The following FSCN2 variants were observed in gnomAD, a reference collection of about 807,000 sequenced individuals.
The protein encoded by FSCN2 is fascin-2.
A neutral mutation model predicts 37.8 loss-of-function variants in FSCN2; 46 were observed. The observed-to-expected ratio is 1.22, with a 90% CI of 0.96 to 1.56. The LOEUF (loss-of-function observed/expected upper bound fraction) is 1.56, where lower values mean the gene tolerates loss of function less well. Among genes scored for constraint, FSCN2 ranks in the 40% most tolerant of loss-of-function variants. The pLI, the probability that FSCN2 is intolerant of heterozygous loss-of-function variation, is 0.00. For synonymous variants in FSCN2, 351 were observed against 309.4 expected, an observed-to-expected ratio of 1.13 and a Z score of -1.41; for missense variants, 844 against 730.4, an observed-to-expected ratio of 1.16 and a Z score of -1.79.
At position 81,528,865 on chromosome 17, in the gene FSCN2, G is replaced by C. The variant is rs782151927; in HGVS notation, c.334G>C (p.Gly112Arg). The C allele has an allele frequency of 3.8e-6, 6 of 1,562,134 alleles. No individual in the cohort carries two copies. Among genetic ancestry groups the C allele is most frequent in the Non-Finnish European group, 5.2e-6 (6 of 1,156,846 alleles). ...LRSEPHGRFF[G>R]GTEDQLSCFA... ...GTCCGAGCCGCACGGCCGCTTCTTC[G>C]GAGGCACCGAGGACCAGCTGTCCTG... The change falls in exon 1 of 5, where the codon GGA becomes CGA. Residue 112 changes from glycine to arginine, a missense_variant. Coordinates refer to ENST00000417245, the MANE Select transcript of FSCN2 (RefSeq NM_012418.4).
At position 81,528,855 on chromosome 17, in the gene FSCN2, C is replaced by T; in HGVS notation, c.324C>T (p.Gly108=). Residue 108 remains glycine (G), a synonymous_variant, in exon 1 of 5, where the codon GGC becomes GGT. Coordinates refer to ENST00000417245, the MANE Select transcript of FSCN2 (RefSeq NM_012418.4). ...GRWVLRSEPH[G]RFFGGTEDQL... is the part of the protein sequence containing the mutation. Reference sequence around the variant, plus strand: ...GGGTGCTGCGGTCCGAGCCGCACGGCCGCTTCTTCGGAGGCACCGAGGACC... The same window carrying T: ...GGGTGCTGCGGTCCGAGCCGCACGGTCGCTTCTTCGGAGGCACCGAGGACC... 1 of 1,557,866 alleles carries T rather than the reference C, an allele frequency of 6.4e-7. No homozygotes were observed. The highest frequency in any genetic ancestry group is 8.7e-7 in the Non-Finnish European group (1 of 1,154,270).
rs1248086258 is a variant in FSCN2, at chr17:81,535,163, G to A, written c.938G>A (p.Trp313Ter). The stretch of plus-strand genomic sequence containing the variant: ...TTCTATTCCAGCACTGGGGGCTACT[G>A]GACCCTGGTCACCCATGGGGGCATT... ...CTFYSSTGGY[W>*]TLVTHGGIHA... is the part of the protein sequence containing the mutation. The change falls in exon 2 of 5, where the codon TGG becomes TAG. Residue 313 changes from tryptophan to a stop codon, truncating the protein, a stop_gained. Coordinates refer to ENST00000417245, the MANE Select transcript of FSCN2 (RefSeq NM_012418.4). LOFTEE classifies it high-confidence loss of function. 3 of 1,533,648 alleles carry A rather than the reference G, an allele frequency of 2.0e-6. No individual in the cohort carries two copies. Among genetic ancestry groups the A allele is most frequent in the Non-Finnish European group, 2.6e-6 (3 of 1,145,440 alleles).
chr17:81,521,194 A>G, the FSCN2 span, among the ~76,000 whole-genome samples: 1 of 151,882 alleles, frequency 6.6e-6, no homozygotes, highest in Admixed American at 6.6e-5. Context: ...CAGCCTCCCT[A>G]GTAGCTGGGA....
At chr17:81,535,530 A>T (rs545255529) in intron 2 of FSCN2, among the ~76,000 whole-genome samples, 3 of 62,066 alleles carry the variant, frequency 4.8e-5, no homozygotes, top group Non-Finnish European at 8.4e-5. Flanking sequence ...CATCTCCATC[A>T]CCATCATCAC....
the FSCN2 span, among the ~76,000 whole-genome samples, chr17:81,515,668 C>T: frequency 6.6e-6 from 1 of 152,336 alleles, no homozygotes; most frequent in East Asian, 1.9e-4. Flanking sequence ...CCCTCTGCAC[C>T]GGATCAGCCC....
chr17:81,516,725 G>T, the FSCN2 span, among the ~76,000 whole-genome samples: 1 of 152,196 alleles, frequency 6.6e-6, no homozygotes, highest in Non-Finnish European at 1.5e-5. Flanking sequence ...GCCCCACTGC[G>T]CAGACTGAAG....
At chr17:81,533,971 G>T (rs531471173) in intron 1 of FSCN2, among the ~76,000 whole-genome samples, 1 of 152,152 alleles carries the variant, frequency 6.6e-6, no homozygotes, top group South Asian at 2.1e-4. Flanking sequence ...CCCGGGTACC[G>T]TGTCAGTGTT....
intron 1 of FSCN2, among the ~76,000 whole-genome samples, chr17:81,531,807 ATGATGG>A (rs2032638487): frequency 1.1e-5 from 1 of 93,016 alleles, no homozygotes; most frequent in African/African-American, 4.5e-5. Flanking sequence ...GATAATGGTG[ATGATGG>A]TGGTGGTGAT....
chr17:81,529,222 C>A lies in FSCN2; in HGVS notation c.691C>A (p.Pro231Thr). 2 of 1,599,128 alleles carry A rather than the reference C, an allele frequency of 1.3e-6. No individual in the cohort carries two copies. The highest frequency in any genetic ancestry group is 8.5e-7 in the Non-Finnish European group (1 of 1,172,944). ...FKDCDGHYLA[P>T]VGPAGTLKAG... ...GGACTGCGACGGCCACTACCTGGCA[C>A]CCGTGGGGCCCGCAGGCACCCTCAA... Residue 231 changes from proline (P) to threonine (T), a missense_variant, in exon 1 of 5, where the codon CCC becomes ACC. By Grantham distance (38) the Pro-to-Thr change is conservative. Transcript: ENST00000417245.
Position 81,535,170 on chromosome 17 carries a change from G to A in FSCN2, c.945G>A (p.Leu315=), listed in dbSNP as rs1421734219. Residue 315 remains leucine (L), a synonymous_variant, in exon 2 of 5, where the codon CTG becomes CTA. Transcript: ENST00000417245. The part of the protein sequence containing the change: ...FYSSTGGYWT[L]VTHGGIHATA... ...CCAGCACTGGGGGCTACTGGACCCTGGTCACCCATGGGGGCATTCACGCCA... is the reference window on the plus strand; with the variant it reads ...CCAGCACTGGGGGCTACTGGACCCTAGTCACCCATGGGGGCATTCACGCCA... 1 of 1,533,246 alleles carries A rather than the reference G, an allele frequency of 6.5e-7. No homozygotes were observed. The highest frequency in any genetic ancestry group is 2.5e-5 in the East Asian group (1 of 40,712). 95.0% of individuals were successfully genotyped at this position (1,533,246 alleles called of 1,614,324 possible). A position where few individuals can be genotyped will look rare whatever the true frequency, so the allele number is the denominator to read the frequency against.
At position 81,529,087 on chromosome 17, in the gene FSCN2, C is replaced by CT. The variant is rs2032458575; in HGVS notation, c.557dup (p.Lys187GlnfsTer4). On this transcript the variant is annotated frameshift_variant, in exon 1 of 5. Coordinates refer to ENST00000417245, the MANE Select transcript of FSCN2 (RefSeq NM_012418.4). LOFTEE classifies it high-confidence loss of function. ...CATCTTCCGGAGCCGACGGTACTGCCTCAAGTCCTGTGACAGCCGCTACCT... is the reference window on the plus strand; with the variant it reads ...CATCTTCCGGAGCCGACGGTACTGCCTTCAAGTCCTGTGACAGCCGCTACCT... 6.3e-7 allele frequency: 1 copy of CT among 1,590,118 alleles called. No individual in the cohort carries two copies. Among genetic ancestry groups the CT allele is most frequent in the Admixed American group, 1.8e-5 (1 of 56,938 alleles).
chr17:81,527,736 G>GGGGCC (rs2032392547), upstream of FSCN2: 1 of 152,182 alleles, frequency 6.6e-6, no homozygotes, highest in East Asian at 1.9e-4. Flanking sequence ...GGAGTGCGCT[G>GGGGCC]GGGCCGGGCC....
rs782429610 is a variant in FSCN2, at chr17:81,528,692, A to G, written c.161A>G (p.Gln54Arg). 1.2e-5 allele frequency: 20 copies of G among 1,601,788 alleles called. No individual in the cohort carries two copies. In the African/African-American group the frequency reaches 1.3e-4, roughly 11 times the overall value. ...TGGGTGCTGGAACCCGACCCAGGAC[A>G]AGGCACGGCTGTGCTGCTCCGCAGC... ...QTWVLEPDPG[Q>R]GTAVLLRSSH... Residue 54 changes from glutamine to arginine, a missense_variant, in exon 1 of 5, where the codon CAA (glutamine) becomes CGA (arginine). Gln to Arg is a conservative substitution (Grantham distance 43). Coordinates refer to ENST00000417245, the MANE Select transcript of FSCN2 (RefSeq NM_012418.4).
intron 1 of FSCN2, among the ~76,000 whole-genome samples, chr17:81,531,180 ATGATGGTGGTGATGGTGGTGATGGTGG>A (rs879954358): frequency 2.6e-5 from 3 of 115,694 alleles, no homozygotes; most frequent in Non-Finnish European, 4.9e-5. Context: ...GGTGATGGTG[ATGATGGTGGTGATGGTGGTGATGGTGG>A]TGATGGTGGT....
intron 1 of FSCN2, among the ~76,000 whole-genome samples, chr17:81,531,204 G>GTGA (rs2032542436): frequency 1.0e-5 from 1 of 99,366 alleles, no homozygotes; most frequent in African/African-American, 5.0e-5. Context: ...GGTGGTGATG[G>GTGA]TGGTGATGGT....
At chr17:81,533,696 G>T (rs553839456) in intron 1 of FSCN2, among the ~76,000 whole-genome samples, 2 of 152,220 alleles carry the variant, frequency 1.3e-5, no homozygotes. Flanking sequence ...CCTCTGGAGG[G>T]GGGTAAAACC....
upstream of FSCN2, among the ~76,000 whole-genome samples, chr17:81,526,179 A>C (rs1438436091): frequency 2.6e-5 from 4 of 152,170 alleles, no homozygotes; most frequent in African/African-American, 9.7e-5. Flanking sequence ...CCGTCGTGCC[A>C]ATCAGAGGGG....
chr17:81,524,667 C>T (rs1488982180), upstream of FSCN2, among the ~76,000 whole-genome samples: 2 of 152,102 alleles, frequency 1.3e-5, no homozygotes, highest in African/African-American at 2.4e-5. Flanking sequence ...CTGCAGGGGG[C>T]TAGAGTGCCC....
chr17:81,535,342 C>A (rs1349484707), intron 2 of FSCN2, 134 bp downstream of exon 2: 1 of 554,736 alleles, frequency 1.8e-6, no homozygotes, highest in Non-Finnish European at 3.1e-6. Flanking sequence ...ATCCCCATGA[C>A]CACCATCCCC....
Sources: allele counts gnomAD v4.1 joint callset (sites outside exome capture counted in the v4.1 genomes callset), GRCh38; gene constraint gnomAD v4.1.1; transcripts MANE v1.5; gene names NCBI Gene and HGNC (gene_info 2026-07-23, HGNC 2026-07-21).